Variants in ADAMTS2 observed in about 807,000 individuals in gnomAD.
The protein encoded by ADAMTS2 is ADAM metallopeptidase with thrombospondin type 1 motif 2, also known as A disintegrin and metalloproteinase with thrombospondin motifs 2.
A neutral mutation model predicts 123.0 loss-of-function variants in ADAMTS2; 50 were observed. That is an observed-to-expected ratio of 0.41 (90% CI 0.32 to 0.51). The LOEUF (loss-of-function observed/expected upper bound fraction) is 0.51. Among genes scored for constraint, ADAMTS2 ranks in the 20% least tolerant of loss-of-function variants. ADAMTS2 has a pLI of 0.35. For missense variants in ADAMTS2, 1,494 were observed against 1,705.2 expected (o/e 0.88, Z 2.18); for synonymous variants, 678 against 695.4 (o/e 0.98, Z 0.39).
intron 3 of ADAMTS2, among the ~76,000 whole-genome samples, chr5:179,217,575 T>C (rs555690028): frequency 6.6e-6 from 1 of 152,352 alleles, no homozygotes; most frequent in South Asian, 2.1e-4. Context: ...ATGGAAGTGC[T>C]AGAAGAAAAT....
chr5:179,210,561 G>T, intron 3 of ADAMTS2, among the ~76,000 whole-genome samples: 1 of 152,350 alleles, frequency 6.6e-6, no homozygotes, highest in African/African-American at 2.4e-5. Flanking sequence ...CTAGAGAGAC[G>T]GCCCAAGGCC....
intron 2 of ADAMTS2, among the ~76,000 whole-genome samples, chr5:179,327,641 G>A (rs760305676): frequency 4.4e-4 from 67 of 152,268 alleles, no homozygotes; most frequent in African/African-American, 7.2e-4. Context: ...AAGGAAAGCC[G>A]TGCCACCGTG....
intron 2 of ADAMTS2, among the ~76,000 whole-genome samples, chr5:179,295,363 TGG>T (rs1394709159): frequency 1.3e-5 from 2 of 152,154 alleles, no homozygotes; most frequent in East Asian, 3.9e-4. Flanking sequence ...AAACCAGGGC[TGG>T]GGAGAGAGAC....
rs191220819 is a variant in ADAMTS2, at chr5:179,121,585, G to C, written c.3178+76C>G. The C allele has an allele frequency of 1.3e-3, 1,651 of 1,240,542 alleles. 3 individuals are homozygous for C. Among genetic ancestry groups the C allele is most frequent in the Admixed American group, 2.6e-3 (122 of 47,708 alleles). 76.8% of individuals were successfully genotyped at this position (1,240,542 alleles called of 1,614,324 possible). ...GAGCTTTCCATAGACAGAGAGGAGGGGGGCCCAAGGCAAGCTCCACAGGGC... is the reference window on the plus strand; with the variant it reads ...GAGCTTTCCATAGACAGAGAGGAGGCGGGCCCAAGGCAAGCTCCACAGGGC... On this transcript the variant is annotated intron_variant, in intron 21 of 21. Coordinates refer to ENST00000251582, the MANE Select transcript of ADAMTS2 (RefSeq NM_014244.5).
intron 11 of ADAMTS2, among the ~76,000 whole-genome samples, chr5:179,138,540 A>G (rs982282115): frequency 6.6e-6 from 1 of 152,240 alleles, no homozygotes; most frequent in African/African-American, 2.4e-5. Flanking sequence ...GAACAGCACC[A>G]ACCCACACAC....
At position 179,188,672 on chromosome 5, in the gene ADAMTS2, T is replaced by TC. The variant is rs1244879059; in HGVS notation, c.892-7518dup. On this transcript the variant is annotated intron_variant, in intron 4 of 21. Transcript: ENST00000251582. The surrounding 1 kb of genome is among the most constrained non-coding windows in gnomAD (Gnocchi z 5.1). The stretch of plus-strand genomic sequence containing the variant: ...ACATCAAAAAGTGAGGTGGTCAGAG[T>TC]CCCCTCCTTCAATACCCAGCGCAGG... Among the ~76,000 whole-genome samples, 1 of 151,220 alleles carries TC rather than the reference T, an allele frequency of 6.6e-6. No individual in the cohort carries two copies. The highest frequency in any genetic ancestry group is 6.6e-5 in the Admixed American group (1 of 15,172).
At position 179,209,287 on chromosome 5, in the gene ADAMTS2, C is replaced by T. The variant is rs568951607; in HGVS notation, c.689-1572G>A. ...CCAGAAGCTCTCTCCTTGCACCCTG[C>T]AGCCTGGCTCAGACAAGACAGACTG... On this transcript the variant is annotated intron_variant, in intron 3 of 21. Coordinates refer to ENST00000251582, the MANE Select transcript of ADAMTS2 (RefSeq NM_014244.5). Among the ~76,000 whole-genome samples the T allele has an allele frequency of 3.9e-5, 6 of 152,258 alleles. No homozygotes were observed. The East Asian group carries it at 1.2e-3, about 29-fold the overall frequency.
At chr5:179,214,942 G>A (rs569854635) in intron 3 of ADAMTS2, among the ~76,000 whole-genome samples, 8 of 152,008 alleles carry the variant, frequency 5.3e-5, no homozygotes, top group Non-Finnish European at 7.4e-5. Flanking sequence ...ATTATTCTCC[G>A]CCAAATAATC....
rs572527758 is a variant in ADAMTS2, at chr5:179,284,576, G to A, written c.535-11512C>T. Among the ~76,000 whole-genome samples the A allele has an allele frequency of 4.6e-5, 7 of 152,004 alleles. No individual in the cohort carries two copies. In the East Asian group the frequency reaches 5.9e-4, roughly 13 times the overall value. On this transcript the variant is annotated intron_variant, in intron 2 of 21. Coordinates refer to ENST00000251582, the MANE Select transcript of ADAMTS2 (RefSeq NM_014244.5). ...TAATTTTTGCATTTTTAGTAGAGAC[G>A]GGGTTTCGCCATGTTGGCCAGGCTG... is the stretch of plus-strand genomic sequence containing the variant.
At chr5:179,163,401 A>G (rs550872633) in intron 5 of ADAMTS2, among the ~76,000 whole-genome samples, 1 of 152,348 alleles carries the variant, frequency 6.6e-6, no homozygotes, top group East Asian at 1.9e-4. Context: ...ACATCCGCCC[A>G]GTGCTGGCAG....
chr5:179,340,151 A>G (rs975726407), intron 2 of ADAMTS2, among the ~76,000 whole-genome samples: 7 of 152,246 alleles, frequency 4.6e-5, no homozygotes, highest in Admixed American at 3.9e-4. Context: ...GGAAGGGCAT[A>G]CACTTCCTCC....
intron 21 of ADAMTS2, chr5:179,120,878 C>T (rs1762745889): frequency 6.6e-6 from 1 of 152,254 alleles, no homozygotes; most frequent in Non-Finnish European, 1.5e-5. Flanking sequence ...CCCTCTGAAG[C>T]TGGAGTTGGC....
At position 179,198,571 on chromosome 5, in the gene ADAMTS2, T is replaced by C. The variant is rs556266203; in HGVS notation, c.891+8942A>G. ...AGTGTAGGCCGGGAGCAGTGGCTCA[T>C]GCCTGTGATCCCAGCACTTTGGGAG... On this transcript the variant is annotated intron_variant, in intron 4 of 21. Coordinates refer to ENST00000251582, the MANE Select transcript of ADAMTS2 (RefSeq NM_014244.5). Among the ~76,000 whole-genome samples the C allele has an allele frequency of 4.6e-5, 7 of 152,296 alleles. No individual in the cohort carries two copies. The East Asian group carries it at 1.4e-3, about 30-fold the overall frequency.
At chr5:179,211,453 A>G (rs1764848302) in intron 3 of ADAMTS2, among the ~76,000 whole-genome samples, 1 of 152,170 alleles carries the variant, frequency 6.6e-6, no homozygotes, top group African/African-American at 2.4e-5. Flanking sequence ...GCAGGATCCC[A>G]TCTTTTAAAT....
In ADAMTS2 at chr5:179,124,677, G is replaced by A. The variant is rs892235469; in HGVS notation, c.2958+296C>T. ...GGACAGGAGCTACATCCAGGCCCAC[G>A]GGCCGAAAGGGGAATGCTCTGGTCA... On this transcript the variant is annotated intron_variant, in intron 19 of 21. Transcript: ENST00000251582. 3.3e-5 allele frequency among the ~76,000 whole-genome samples: 5 copies of A among 152,242 alleles called. No homozygotes were observed. The South Asian group carries it at 6.2e-4, about 19-fold the overall frequency.
At chr5:179,279,818 C>T (rs185539115) in intron 2 of ADAMTS2, among the ~76,000 whole-genome samples, 83 of 152,364 alleles carry the variant, frequency 5.4e-4, no homozygotes, top group Middle Eastern at 3.4e-3. Flanking sequence ...GGCTCCTTTA[C>T]AGTTCAGCAT....
chr5:179,322,208 T>C (rs1757202933), intron 2 of ADAMTS2, among the ~76,000 whole-genome samples: 2 of 152,202 alleles, frequency 1.3e-5, no homozygotes. Context: ...GACAAAAAGT[T>C]GCCAGCCATC....
At chr5:179,283,344 G>T (rs1304177620) in intron 2 of ADAMTS2, among the ~76,000 whole-genome samples, 4 of 151,882 alleles carry the variant, frequency 2.6e-5, no homozygotes, top group Non-Finnish European at 5.9e-5. Flanking sequence ...GAAGAAAAAA[G>T]GAATTACAGT....
Position 179,185,201 on chromosome 5 carries a change from G to A in ADAMTS2, c.892-4046C>T, listed in dbSNP as rs539736121. Reference sequence around the variant, plus strand: ...TCTAAGAGCAGTGGGAGGACATGGAGGAAGGATGATGGCGGGGCATTTAAG... The same window carrying A: ...TCTAAGAGCAGTGGGAGGACATGGAAGAAGGATGATGGCGGGGCATTTAAG... On this transcript the variant is annotated intron_variant, in intron 4 of 21. Transcript: ENST00000251582. The surrounding 1 kb of genome is among the most constrained non-coding windows in gnomAD (Gnocchi z 5.9). Among the ~76,000 whole-genome samples, 19 of 152,312 alleles carry A rather than the reference G, an allele frequency of 1.2e-4. No individual in the cohort carries two copies. Among genetic ancestry groups the A allele is most frequent in the Admixed American group, 1.0e-3 (16 of 15,310 alleles).
Sources: allele counts gnomAD v4.1 joint callset (sites outside exome capture counted in the v4.1 genomes callset), GRCh38; gene constraint gnomAD v4.1.1; non-coding constraint Gnocchi (gnomAD v3.1); transcripts MANE v1.5; gene names NCBI Gene and HGNC (gene_info 2026-07-23, HGNC 2026-07-21).